The following SRSF11 variants were observed in gnomAD, a reference collection of about 807,000 sequenced individuals.
SRSF11 encodes serine and arginine rich splicing factor 11.
A neutral mutation model predicts 56.0 loss-of-function variants in SRSF11; 9 were observed. That is an observed-to-expected ratio of 0.16 (90% CI 0.10 to 0.28). The LOEUF is 0.28. Among genes scored for constraint, SRSF11 ranks in the 10% least tolerant of loss-of-function variants. SRSF11 has a pLI of 1.00. For missense variants in SRSF11, 421 were observed against 600.7 expected (o/e 0.70, Z 3.13); for synonymous variants, 222 against 215.3 (o/e 1.03, Z -0.27).
chr1:70,249,930 G>A (rs770318210), intron 9 of SRSF11, 22 bp from the exon 10 acceptor site: 1 of 1,612,430 alleles, frequency 6.2e-7, no homozygotes, highest in Non-Finnish European at 8.5e-7. Context: ...TTAAAACCTA[G>A]TTTGCACATT....
intron 1 of SRSF11, among the ~76,000 whole-genome samples, chr1:70,215,716 G>A (rs1180638688): frequency 1.2e-4 from 18 of 152,192 alleles, no homozygotes; most frequent in Non-Finnish European, 2.6e-4. Flanking sequence ...GGCTAAAAGG[G>A]ACTTGATTTA....
intron 2 of SRSF11, chr1:70,230,898 C>G: frequency 8.4e-7 from 1 of 1,189,558 alleles, no homozygotes; most frequent in Non-Finnish European, 1.1e-6. Flanking sequence ...GCATTACTGC[C>G]CTATATCTAA....
At chr1:70,222,416 T>G (rs1670849520) in intron 1 of SRSF11, among the ~76,000 whole-genome samples, 1 of 152,228 alleles carries the variant, frequency 6.6e-6, no homozygotes, top group South Asian at 2.1e-4. Context: ...AGATTTTCCT[T>G]TGTTTGAATA....
chr1:70,236,771 C>CA (rs1296939376), intron 5 of SRSF11, among the ~76,000 whole-genome samples: 2 of 147,328 alleles, frequency 1.4e-5, no homozygotes, highest in Non-Finnish European at 3.0e-5. Flanking sequence ...TGCTCTTCCC[C>CA]AAAAAATTAC....
upstream of SRSF11, among the ~76,000 whole-genome samples, chr1:70,218,337 G>A (rs1362883270): frequency 1.3e-5 from 2 of 152,148 alleles, no homozygotes. Flanking sequence ...GTTGTTAGCT[G>A]CTAAATGATG....
chr1:70,236,435 A>G (rs1674053933), intron 5 of SRSF11, among the ~76,000 whole-genome samples: 1 of 151,140 alleles, frequency 6.6e-6, no homozygotes, highest in African/African-American at 2.4e-5. Context: ...GATTCAAGCA[A>G]TTCTTTTGCC....
intron 1 of SRSF11, among the ~76,000 whole-genome samples, chr1:70,208,353 A>T (rs1669245873): frequency 6.8e-6 from 1 of 147,978 alleles, no homozygotes; most frequent in Non-Finnish European, 1.5e-5. Context: ...TGTGTGAGTG[A>T]GATGGAGTCT....
In SRSF11 at chr1:70,252,585, A is replaced by G. The variant is rs1678106487; in HGVS notation, c.*1780A>G. On this transcript the variant is annotated 3_prime_UTR_variant, in exon 12 of 12. Transcript: ENST00000370949. ...AGTAACTTTTTAAAGATTTTATCAA[A>G]AAGAATTGTCTATAGTGAGTAAAAG... 1 of 632 alleles carries G rather than the reference A, an allele frequency of 1.6e-3. No individual in the cohort carries two copies. The highest frequency in any genetic ancestry group is 0.025 in the Admixed American group (1 of 40). The allele number at this position is 632 out of a possible 1,614,324, so 0.0% of individuals were successfully genotyped here. A position where few individuals can be genotyped will look rare whatever the true frequency, so the allele number is the denominator to read the frequency against.
rs531417781 is a variant in SRSF11, at chr1:70,221,488, G to T, written c.-149G>T. 5.6e-5 allele frequency: 65 copies of T among 1,159,990 alleles called. No homozygotes were observed. Among genetic ancestry groups the T allele is most frequent in the Non-Finnish European group, 5.9e-5 (49 of 834,192 alleles). The allele number at this position is 1,159,990 out of a possible 1,614,324, so 71.9% of individuals were successfully genotyped here. A position where few individuals can be genotyped will look rare whatever the true frequency, so the allele number is the denominator to read the frequency against. ...GCGTGCGGCGGGGCGGAGAAACGGC[G>T]GCGGCGGCGGCGGCATCGGCAGCAG... On this transcript the variant is annotated 5_prime_UTR_variant, in exon 1 of 12. Transcript: ENST00000370949.
At chr1:70,230,701 T>A in intron 2 of SRSF11, 1 of 1,067,188 alleles carries the variant, frequency 9.4e-7, no homozygotes, top group East Asian at 6.8e-5. Context: ...ATGCATGACT[T>A]TTTTTTTTTT....
intron 8 of SRSF11, among the ~76,000 whole-genome samples, chr1:70,246,269 A>G (rs1473438906): frequency 6.6e-6 from 1 of 152,124 alleles, no homozygotes; most frequent in Non-Finnish European, 1.5e-5. Context: ...CTGTAAAAAA[A>G]AAAAATTGAG....
At chr1:70,231,802 C>T in intron 2 of SRSF11, 1 of 1,365,456 alleles carries the variant, frequency 7.3e-7, no homozygotes, top group Non-Finnish European at 9.6e-7. Context: ...ATATTATTAA[C>T]CCCTAAATCA....
chr1:70,206,003 G>C (rs1183885416), intron 1 of SRSF11, among the ~76,000 whole-genome samples: 1 of 152,146 alleles, frequency 6.6e-6, no homozygotes, highest in Non-Finnish European at 1.5e-5. Flanking sequence ...GTCGCTTGTG[G>C]TGGTGGCGCC....
intron 2 of SRSF11, chr1:70,231,954 A>C: frequency 6.5e-7 from 1 of 1,531,670 alleles, no homozygotes; most frequent in Non-Finnish European, 8.7e-7. Flanking sequence ...CGTTTGGTTC[A>C]TGACTTAAAA....
At chr1:70,208,452 G>C (rs1369106952) in intron 1 of SRSF11, among the ~76,000 whole-genome samples, 3 of 152,064 alleles carry the variant, frequency 2.0e-5, no homozygotes, top group African/African-American at 7.2e-5. Flanking sequence ...TCCTGCCTCA[G>C]CCTCCCAAGA....
intron 10 of SRSF11, 139 bp downstream of exon 10, chr1:70,250,186 A>C (rs1677679047): frequency 3.2e-6 from 4 of 1,261,078 alleles, no homozygotes; most frequent in Non-Finnish European, 4.4e-6. Flanking sequence ...CTTGTGACTT[A>C]AACACCATTA....
At chr1:70,230,919 C>T in intron 2 of SRSF11, 3 of 1,193,240 alleles carry the variant, frequency 2.5e-6, no homozygotes, top group Non-Finnish European at 3.2e-6. Context: ...ATGATCTTCT[C>T]CCCCTTCCCC....
rs1678000992 is a variant in SRSF11, at chr1:70,251,823, T to C, written c.*1018T>C. 6.6e-6 allele frequency: 1 copy of C among 152,576 alleles called. No individual in the cohort carries two copies. The highest frequency in any genetic ancestry group is 6.5e-5 in the Admixed American group (1 of 15,268). The allele number at this position is 152,576 out of a possible 1,614,324, so 9.5% of individuals were successfully genotyped here. A position where few individuals can be genotyped will look rare whatever the true frequency, so the allele number is the denominator to read the frequency against. On this transcript the variant is annotated 3_prime_UTR_variant, in exon 12 of 12. Coordinates refer to ENST00000370949, the MANE Select transcript of SRSF11 (RefSeq NM_001350605.2). ...AATTTGTGTTACTGCAGTAGTAATCTTATGCACACGGTGATTTCATGTTAT... is the reference window on the plus strand; with the variant it reads ...AATTTGTGTTACTGCAGTAGTAATCCTATGCACACGGTGATTTCATGTTAT...
chr1:70,212,250 A>G (rs1169124210), intron 1 of SRSF11, among the ~76,000 whole-genome samples: 1 of 151,960 alleles, frequency 6.6e-6, no homozygotes, highest in African/African-American at 2.4e-5. Flanking sequence ...TTAATTAATT[A>G]ATTAATACTT....
Sources: allele counts gnomAD v4.1 joint callset (sites outside exome capture counted in the v4.1 genomes callset), GRCh38; gene constraint gnomAD v4.1.1; transcripts MANE v1.5; gene names NCBI Gene and HGNC (gene_info 2026-07-23, HGNC 2026-07-21).